ZNF730: variants seen among roughly 807,000 people sequenced by gnomAD.
The protein encoded by ZNF730 is zinc finger protein 730.
A neutral mutation model predicts 12.6 loss-of-function variants in ZNF730; 12 were observed. That is an observed-to-expected ratio of 0.95 (90% CI 0.61 to 1.54). The LOEUF is 1.54. Ranked by LOEUF, ZNF730 falls within the 40% of genes most tolerant of loss-of-function variation. ZNF730 has a pLI of 0.00. For missense variants in ZNF730, 643 were observed against 583.5 expected (o/e 1.10, Z -1.05); for synonymous variants, 194 against 195.8 (o/e 0.99, Z 0.08).
chr19:23,139,234 A>AT lies in ZNF730; in HGVS notation c.226+3200dup, dbSNP rs138764209. Reference sequence around the variant, plus strand: ...CCTAACTATATTCTGCAAAAAATATATTTTTTTTTCTTTATTTAGCATTGT... The same window carrying AT: ...CCTAACTATATTCTGCAAAAAATATATTTTTTTTTTCTTTATTTAGCATTGT... On this transcript the variant is annotated intron_variant, in intron 3 of 3. Transcript: ENST00000597761. Among the ~76,000 whole-genome samples, 35 of 151,588 alleles carry AT rather than the reference A, an allele frequency of 2.3e-4. 1 individual carries two copies. The highest frequency in any genetic ancestry group is 2.1e-3 in the East Asian group (11 of 5,162).
At chr19:23,091,751 T>C (rs571156370) in intron 1 of ZNF730, among the ~76,000 whole-genome samples, 1 of 152,316 alleles carries the variant, frequency 6.6e-6, no homozygotes, top group South Asian at 2.1e-4. Flanking sequence ...GTACCCCTAT[T>C]GTATCTAGGA....
In ZNF730 at chr19:23,136,036, A is replaced by C. The variant is rs775273716; in HGVS notation, c.219A>C (p.Lys73Asn). 2.4e-5 allele frequency: 38 copies of C among 1,597,154 alleles called. No individual in the cohort carries two copies. The highest frequency in any genetic ancestry group is 3.2e-5 in the Non-Finnish European group (37 of 1,171,934). Residue 73 changes from lysine (K) to asparagine (N), a missense_variant, in exon 3 of 4, where the codon AAA becomes AAC. Transcript: ENST00000597761. ...WNLKTHDMVAKPPVICSHIAQ... is the reference protein window; with the variant it reads ...WNLKTHDMVANPPVICSHIAQ... ...TGAAGACACATGATATGGTAGCCAA[A>C]CCCCCAGGTAGGTGACAGTAAATAC...
chr19:23,084,294 CA>C (rs1970019118), intron 1 of ZNF730, among the ~76,000 whole-genome samples: 1 of 152,104 alleles, frequency 6.6e-6, no homozygotes, highest in East Asian at 1.9e-4. Flanking sequence ...TATGTGAGTA[CA>C]ATGCTGTTTT....
intron 1 of ZNF730, among the ~76,000 whole-genome samples, chr19:23,100,527 G>A (rs1970322424): frequency 6.6e-6 from 1 of 151,826 alleles, no homozygotes; most frequent in Non-Finnish European, 1.5e-5. Flanking sequence ...CTCACACATG[G>A]ACAGAGTCCA....
In ZNF730 at chr19:23,083,712, G is replaced by A. The variant is rs113987305; in HGVS notation, c.-94+8325G>A. On this transcript the variant is annotated intron_variant, in intron 1 of 2. Coordinates refer to the ZNF730 transcript ENST00000593635. ...TGAGCATCTTTTTATGTACCTGTTA[G>A]CCATTCATATGTTTTTTTGATAATA... is the stretch of plus-strand genomic sequence containing the variant. 7.5e-3 allele frequency among the ~76,000 whole-genome samples: 1,133 copies of A among 151,458 alleles called. 10 individuals are homozygous for A. The highest frequency in any genetic ancestry group is 0.026 in the African/African-American group (1,075 of 41,308).
chr19:23,088,135 T>G (rs568817412), intron 1 of ZNF730, among the ~76,000 whole-genome samples: 1 of 152,128 alleles, frequency 6.6e-6, no homozygotes, highest in South Asian at 2.1e-4. Context: ...TCTCCCTGCC[T>G]CAGCCTCCCG....
intron 1 of ZNF730, among the ~76,000 whole-genome samples, chr19:23,124,541 G>C (rs972327258): frequency 1.3e-5 from 2 of 152,180 alleles, no homozygotes; most frequent in Non-Finnish European, 2.9e-5. Context: ...AATCAACCCA[G>C]GGTAACTGGG....
At chr19:23,110,069 C>T (rs903648542) in intron 1 of ZNF730, among the ~76,000 whole-genome samples, 2 of 143,476 alleles carry the variant, frequency 1.4e-5, no homozygotes, top group African/African-American at 2.6e-5. Flanking sequence ...CAGGTTCAAG[C>T]GATTCTCCTG....
Position 23,146,474 on chromosome 19 carries a change from A to G in ZNF730, c.1430A>G (p.Glu477Gly), listed in dbSNP as rs1194763653. 8 of 1,607,048 alleles carry G rather than the reference A, an allele frequency of 5.0e-6. No individual in the cohort carries two copies. Among genetic ancestry groups the G allele is most frequent in the South Asian group, 3.3e-5 (3 of 90,516 alleles). Residue 477 changes from glutamate to glycine, a missense_variant, in exon 4 of 4, where the codon GAA (glutamate) becomes GGA (glycine). By Grantham distance (98) the Glu-to-Gly change is moderately conservative (BLOSUM62 -2). Coordinates refer to ENST00000597761, the MANE Select transcript of ZNF730 (RefSeq NM_001277403.2). ...LTTHKIIHSGEKIYKCKECGK... is the reference protein window; with the variant it reads ...LTTHKIIHSGGKIYKCKECGK... ...ACACATAAGATAATTCATTCTGGGG[A>G]AAAAATCTACAAATGTAAAGAATGT...
chr19:23,128,059 A>G lies in ZNF730; in HGVS notation c.4-6021A>G, dbSNP rs183520590. On this transcript the variant is annotated intron_variant, in intron 1 of 3. Transcript: ENST00000597761. The stretch of plus-strand genomic sequence containing the variant: ...AGTGGAGGTGACTGGCAATGAATAC[A>G]ATGTGGAAAGCACTGATGGTCAGCC... 2.0e-4 allele frequency: 153 copies of G among 766,172 alleles called. 2 individuals are homozygous for G. The African/African-American group carries it at 2.2e-3, about 11-fold the overall frequency. 47.5% of individuals were successfully genotyped at this position (766,172 alleles called of 1,614,324 possible).
intron 3 of ZNF730, among the ~76,000 whole-genome samples, chr19:23,142,631 T>A (rs540636160): frequency 7.2e-6 from 1 of 139,634 alleles, no homozygotes; most frequent in South Asian, 2.2e-4. Flanking sequence ...GAGCTTGCAG[T>A]GAGCCAAGAT....
chr19:23,113,163 A>C (rs373998546), upstream of ZNF730, among the ~76,000 whole-genome samples: 13 of 152,308 alleles, frequency 8.5e-5, no homozygotes, highest in African/African-American at 2.9e-4. Context: ...TATTACAGAG[A>C]TGCAGTTGTA....
intron 1 of ZNF730, among the ~76,000 whole-genome samples, chr19:23,133,336 G>GTTTT (rs554836444): frequency 2.6e-5 from 4 of 151,530 alleles, no homozygotes; most frequent in Admixed American, 6.6e-5. Context: ...TGTTTTTTTT[G>GTTTT]TTTTTTTTTT....
chr19:23,136,201 T>C, intron 3 of ZNF730, 158 bp downstream of exon 3: 2 of 474,330 alleles, frequency 4.2e-6, no homozygotes, highest in Non-Finnish European at 6.5e-6. Flanking sequence ...TTTTTTTTCC[T>C]CTCACATAGA....
Position 23,146,695 on chromosome 19 carries a change from A to G in ZNF730, c.*139A>G. On this transcript the variant is annotated 3_prime_UTR_variant, in exon 4 of 4. Transcript: ENST00000597761. ...CCAGTCCTCAAATCTTACTAAACAT[A>G]AGGTAATTCATACTGGAGAAAAACC... is the stretch of plus-strand genomic sequence containing the variant. 6.9e-7 allele frequency: 1 copy of G among 1,457,800 alleles called. No individual in the cohort carries two copies. Among genetic ancestry groups the G allele is most frequent in the South Asian group, 1.1e-5 (1 of 87,640 alleles). The allele number at this position is 1,457,800 out of a possible 1,614,324, so 90.3% of individuals were successfully genotyped here.
At chr19:23,105,208 C>T (rs189722270) in intron 1 of ZNF730, among the ~76,000 whole-genome samples, 1 of 151,496 alleles carries the variant, frequency 6.6e-6, no homozygotes, top group Non-Finnish European at 1.5e-5. Flanking sequence ...TCCTCCACCT[C>T]CCAGGTTCAA....
At chr19:23,127,771 G>C (rs1056208117) in intron 1 of ZNF730, 6 of 863,534 alleles carry the variant, frequency 6.9e-6, no homozygotes, top group Non-Finnish European at 7.8e-6. Flanking sequence ...AGGAAGTTAG[G>C]GCCATCGTCC....
chr19:23,076,290 T>C (rs1327145395), intron 1 of ZNF730, among the ~76,000 whole-genome samples: 1 of 152,214 alleles, frequency 6.6e-6, no homozygotes, highest in Admixed American at 6.5e-5. Context: ...GTTTTCTGTC[T>C]ATAAACATTT....
upstream of ZNF730, among the ~76,000 whole-genome samples, chr19:23,115,475 G>A (rs998888739): frequency 5.3e-5 from 8 of 152,108 alleles, no homozygotes; most frequent in Non-Finnish European, 1.0e-4. Context: ...CCCTAGATAC[G>A]GCTGACCTTA....
Sources: gnomAD v4.1 joint callset for allele counts (sites outside exome capture counted in the v4.1 genomes callset) on GRCh38, gnomAD v4.1.1 for gene constraint, MANE v1.5 for transcripts, NCBI Gene and HGNC (gene_info 2026-07-23, HGNC 2026-07-21) for gene names.